Variants in SMIM47 observed in about 807,000 individuals in gnomAD.
SMIM47 encodes the protein small integral membrane protein 47.
the SMIM47 span, chr19:50,785,830 G>A: frequency 2.5e-6 from 1 of 398,728 alleles, no homozygotes; most frequent in Non-Finnish European, 4.4e-6. Context: ...GAGCCTGAGA[G>A]AGGAAAACAG....
At chr19:50,786,054 C>T in the SMIM47 span, 1 of 399,226 alleles carries the variant, frequency 2.5e-6, no homozygotes, top group Non-Finnish European at 4.4e-6. Flanking sequence ...CTCTGCCCAG[C>T]CCCAGGCCTC....
the SMIM47 span, chr19:50,786,094 T>G: frequency 2.5e-6 from 1 of 398,906 alleles, no homozygotes; most frequent in East Asian, 3.6e-5. Flanking sequence ...CCTCACTTCC[T>G]GAAAGTTCAT....
At chr19:50,785,928 C>T in the SMIM47 span, 1 of 399,308 alleles carries the variant, frequency 2.5e-6, no homozygotes, top group Non-Finnish European at 4.4e-6. Context: ...CACCTCCGCT[C>T]TTCTCCCGCT....
At chr19:50,785,964 G>A in the SMIM47 span, 8 of 399,040 alleles carry the variant, frequency 2.0e-5, no homozygotes, top group Middle Eastern at 6.3e-4. Flanking sequence ...ATAGATGGAG[G>A]TCAGGATGGT....
At chr19:50,785,901 G>C in the SMIM47 span, 1 of 399,022 alleles carries the variant, frequency 2.5e-6, no homozygotes, top group Admixed American at 4.4e-5. Flanking sequence ...GGACCAGGGA[G>C]ACAGAGACTC....
At chr19:50,786,120 G>GCCACC in the SMIM47 span, 1 of 398,650 alleles carries the variant, frequency 2.5e-6, no homozygotes, top group African/African-American at 2.1e-5. Context: ...TGGGACTCCA[G>GCCACC]CCACCCCTTG....
the SMIM47 span, chr19:50,785,915 C>G: frequency 4.5e-4 from 179 of 399,088 alleles, no homozygotes; most frequent in Non-Finnish European, 7.6e-4. Flanking sequence ...GAGACTCAGC[C>G]CCCACCTCCG....
At chr19:50,785,994 G>C in the SMIM47 span, 1 of 398,888 alleles carries the variant, frequency 2.5e-6, no homozygotes, top group Non-Finnish European at 4.4e-6. Flanking sequence ...CATGGCCAGG[G>C]TCACATTCTG....
chr19:50,785,907 G>C, the SMIM47 span: 1 of 398,904 alleles, frequency 2.5e-6, no homozygotes, highest in East Asian at 3.6e-5. Flanking sequence ...GGGAGACAGA[G>C]ACTCAGCCCC....
At chr19:50,785,920 C>T in the SMIM47 span, 5 of 399,022 alleles carry the variant, frequency 1.3e-5, 1 homozygote, top group African/African-American at 8.2e-5. Flanking sequence ...TCAGCCCCCA[C>T]CTCCGCTCTT....
At chr19:50,785,995 T>C in the SMIM47 span, 1 of 398,514 alleles carries the variant, frequency 2.5e-6, no homozygotes, top group Non-Finnish European at 4.4e-6. Context: ...ATGGCCAGGG[T>C]CACATTCTGG....
chr19:50,785,860 G>C, the SMIM47 span: 1 of 398,816 alleles, frequency 2.5e-6, no homozygotes, highest in Non-Finnish European at 4.4e-6. Flanking sequence ...CAGAGATGTG[G>C]GAGAGAAAGA....
chr19:50,785,848 TAC>T, the SMIM47 span: 9 of 398,702 alleles, frequency 2.3e-5, no homozygotes, highest in African/African-American at 1.6e-4. Flanking sequence ...CAGGGACATA[TAC>T]AGAGATGTGG....
chr19:50,785,969 G>A, the SMIM47 span: 1 of 398,924 alleles, frequency 2.5e-6, no homozygotes, highest in East Asian at 3.6e-5. Flanking sequence ...TGGAGGTCAG[G>A]ATGGTGAACA....
At chr19:50,786,078 A>G in the SMIM47 span, 1 of 398,502 alleles carries the variant, frequency 2.5e-6, no homozygotes, top group Non-Finnish European at 4.4e-6. Context: ...TCCCTGCCAG[A>G]CCCCTCCTCA....
chr19:50,785,984 CA>C, the SMIM47 span: 2 of 398,780 alleles, frequency 5.0e-6, no homozygotes, highest in African/African-American at 2.1e-5. Flanking sequence ...TGAACAAGGC[CA>C]TGGCCAGGGT....
the SMIM47 span, chr19:50,786,009 G>T: frequency 7.5e-6 from 3 of 398,760 alleles, no homozygotes; most frequent in African/African-American, 6.2e-5. Context: ...ATTCTGGGGG[G>T]GAGATCAGAG....
chr19:50,786,077 G>T, the SMIM47 span: 1 of 399,270 alleles, frequency 2.5e-6, no homozygotes, highest in Admixed American at 4.4e-5. Flanking sequence ...TTCCCTGCCA[G>T]ACCCCTCCTC....
chr19:50,786,079 C>T, the SMIM47 span: 2 of 399,230 alleles, frequency 5.0e-6, no homozygotes, highest in Non-Finnish European at 4.4e-6. Context: ...CCCTGCCAGA[C>T]CCCTCCTCAC....
Sources: allele counts gnomAD v4.1 joint callset, GRCh38; gene constraint gnomAD v4.1.1; transcripts MANE v1.5; gene names NCBI Gene and HGNC (gene_info 2026-07-23, HGNC 2026-07-21).